Variants in NEK11 observed in about 807,000 individuals in gnomAD.
NEK11 encodes the protein NIMA related kinase 11.
In NEK11, 72 loss-of-function variants were observed where a neutral mutation model predicts 80.7. The observed-to-expected ratio is 0.89, with a 90% CI of 0.74 to 1.08. NEK11 has a LOEUF of 1.08. Among genes scored for constraint, NEK11 ranks in the 50% least tolerant of loss-of-function variants. The pLI is 0.00. For synonymous variants in NEK11, 251 were observed against 260.7 expected (o/e 0.96, Z 0.36); for missense variants, 764 against 763.6 (o/e 1.00, Z -0.01).
chr3:131,331,532 C>T (rs4302357), intron 17 of NEK11, among the ~76,000 whole-genome samples: 2,552 of 152,306 alleles, frequency 0.017, 71 homozygotes, highest in African/African-American at 0.057. Context: ...GCGTGAGCGA[C>T]GCAGAATACG....
rs201419493 is a variant in NEK11, at chr3:131,238,946, CA to C, written c.1561-4483del. On this transcript the variant is annotated intron_variant, in intron 15 of 17. Coordinates refer to ENST00000383366, the MANE Select transcript of NEK11 (RefSeq NM_024800.5). ...AATAATGCATCATTAATAATTACAT[CA>C]AAAAAAGAAAAACTACAAAAAAACT... is the stretch of plus-strand genomic sequence containing the variant. Among the ~76,000 whole-genome samples the C allele has an allele frequency of 4.0e-3, 608 of 151,770 alleles. 7 individuals are homozygous for C. The highest frequency in any genetic ancestry group is 0.014 in the African/African-American group (583 of 41,416).
chr3:131,293,601 G>A (rs1305391688), intron 17 of NEK11, among the ~76,000 whole-genome samples: 1 of 150,920 alleles, frequency 6.6e-6, no homozygotes, highest in Non-Finnish European at 1.5e-5. Flanking sequence ...TAGGTTGATG[G>A]TGGTCTCATA....
rs41395644 is a variant in NEK11, at chr3:131,155,983, A to C, written c.962+862A>C. Among the ~76,000 whole-genome samples the C allele has an allele frequency of 8.2e-3, 1,245 of 152,298 alleles. 22 individuals carry two copies. The highest frequency in any genetic ancestry group is 0.028 in the African/African-American group (1,178 of 41,570). On this transcript the variant is annotated intron_variant, in intron 10 of 17. Coordinates refer to ENST00000383366, the MANE Select transcript of NEK11 (RefSeq NM_024800.5). ...TTGTTTTTATGGTTTATTACCTGCTATTTCAAGAAACGTCGAAATTTCCAA... is the reference window on the plus strand; with the variant it reads ...TTGTTTTTATGGTTTATTACCTGCTCTTTCAAGAAACGTCGAAATTTCCAA...
At chr3:131,154,699 G>A (rs2090341172) in intron 9 of NEK11, among the ~76,000 whole-genome samples, 1 of 152,122 alleles carries the variant, frequency 6.6e-6, no homozygotes, top group African/African-American at 2.4e-5. Context: ...CACTGGCCCT[G>A]GGAGTGTAGA....
chr3:131,249,415 G>A (rs902092893), intron 16 of NEK11, among the ~76,000 whole-genome samples: 10 of 152,184 alleles, frequency 6.6e-5, no homozygotes, highest in African/African-American at 1.7e-4. Context: ...GACAGTGTGC[G>A]TAAGGAGAAA....
At chr3:131,122,158 C>A (rs947406933) in intron 5 of NEK11, among the ~76,000 whole-genome samples, 1 of 152,168 alleles carries the variant, frequency 6.6e-6, no homozygotes, top group Non-Finnish European at 1.5e-5. Flanking sequence ...GTTAAGAACT[C>A]ATTTTTAATG....
chr3:131,029,749 C>T lies in NEK11; in HGVS notation c.41C>T (p.Ser14Leu), dbSNP rs2064499513. 6.2e-7 allele frequency: 1 copy of T among 1,614,078 alleles called. No individual in the cohort carries two copies. The highest frequency in any genetic ancestry group is 1.3e-5 in the African/African-American group (1 of 75,024). ...GAGGCAGCTAAGTGTGTGAGTGGAT[C>T]AACAGCCATTTCCACTTATCCAAAG... ...FQEAAKCVSGSTAISTYPKTL... is the reference protein window; with the variant it reads ...FQEAAKCVSGLTAISTYPKTL... Residue 14 changes from serine to leucine, a missense_variant, in exon 3 of 18, where the codon TCA (serine) becomes TTA (leucine). Transcript: ENST00000383366.
intron 14 of NEK11, among the ~76,000 whole-genome samples, chr3:131,171,979 G>A (rs1462719216): frequency 2.0e-5 from 3 of 152,116 alleles, no homozygotes; most frequent in African/African-American, 4.8e-5. Context: ...AAGAAAATAG[G>A]AAAGAGCTAG....
chr3:131,275,633 C>T (rs114618818), intron 17 of NEK11, among the ~76,000 whole-genome samples: 1 of 152,242 alleles, frequency 6.6e-6, no homozygotes, highest in African/African-American at 2.4e-5. Flanking sequence ...AATCCTTATG[C>T]CATTCCAGAA....
At chr3:131,321,619 C>T (rs1228487277) in intron 17 of NEK11, among the ~76,000 whole-genome samples, 3 of 151,956 alleles carry the variant, frequency 2.0e-5, no homozygotes, top group Non-Finnish European at 4.4e-5. Context: ...GTCTAGTATC[C>T]AGAATCTTTA....
chr3:131,297,298 T>G (rs1205120156), intron 17 of NEK11, among the ~76,000 whole-genome samples: 2 of 152,176 alleles, frequency 1.3e-5, no homozygotes. Context: ...AGTGTTCCTA[T>G]TTCTCCAAAT....
At chr3:131,215,622 A>G (rs1284852743) in intron 14 of NEK11, among the ~76,000 whole-genome samples, 1 of 152,134 alleles carries the variant, frequency 6.6e-6, no homozygotes, top group African/African-American at 2.4e-5. Flanking sequence ...GATTGGATAC[A>G]TCCTTTGATA....
At chr3:131,234,921 A>G (rs2095406013) in intron 15 of NEK11, among the ~76,000 whole-genome samples, 1 of 151,986 alleles carries the variant, frequency 6.6e-6, no homozygotes, top group South Asian at 2.1e-4. Context: ...AAGTCTTTAA[A>G]ATTAGGTCCA....
At chr3:131,069,989 A>G (rs2072967186) in intron 3 of NEK11, among the ~76,000 whole-genome samples, 1 of 152,124 alleles carries the variant, frequency 6.6e-6, no homozygotes, top group African/African-American at 2.4e-5. Context: ...AAAAAAAAAT[A>G]CAAACCTGGA....
At chr3:131,338,992 T>C (rs1355951274) in intron 17 of NEK11, among the ~76,000 whole-genome samples, 1 of 152,000 alleles carries the variant, frequency 6.6e-6, no homozygotes, top group East Asian at 1.9e-4. Context: ...ATATATTTTT[T>C]TATCAATTTA....
At chr3:131,230,182 A>G (rs2095303201) in intron 15 of NEK11, among the ~76,000 whole-genome samples, 1 of 152,316 alleles carries the variant, frequency 6.6e-6, no homozygotes, top group Non-Finnish European at 1.5e-5. Flanking sequence ...GTTTTTTAAG[A>G]AAATAAAACA....
chr3:131,307,368 A>G (rs192671645), intron 17 of NEK11, among the ~76,000 whole-genome samples: 1 of 152,358 alleles, frequency 6.6e-6, no homozygotes, highest in Non-Finnish European at 1.5e-5. Context: ...CTGAAAGTCT[A>G]TTTCATTTGA....
intron 14 of NEK11, among the ~76,000 whole-genome samples, chr3:131,192,772 G>A (rs2093849163): frequency 6.6e-6 from 1 of 152,182 alleles, no homozygotes. Context: ...GTGGTTGTCA[G>A]GGTCTTGGGG....
chr3:131,043,947 G>A (rs1328686546), intron 3 of NEK11, among the ~76,000 whole-genome samples: 1 of 152,138 alleles, frequency 6.6e-6, no homozygotes, highest in Non-Finnish European at 1.5e-5. Context: ...AGAAGAGAGT[G>A]GGGGCCAATA....
Sources: gnomAD v4.1 joint callset for allele counts (sites outside exome capture counted in the v4.1 genomes callset) on GRCh38, gnomAD v4.1.1 for gene constraint, MANE v1.5 for transcripts, NCBI Gene and HGNC (gene_info 2026-07-23, HGNC 2026-07-21) for gene names.